Variants in CACNB4 observed in about 807,000 individuals in gnomAD.
CACNB4 encodes the protein calcium voltage-gated channel auxiliary subunit beta 4.
Under a neutral mutation model 71.2 loss-of-function variants are expected in CACNB4, and 32 were observed. That is an observed-to-expected ratio of 0.45 (90% confidence interval 0.34 to 0.60). CACNB4 has a LOEUF of 0.60. Ranked by LOEUF, CACNB4 falls within the 20% of genes least tolerant of loss-of-function variation. The pLI is 0.01. For missense variants in CACNB4, 464 were observed against 647.9 expected, an observed-to-expected ratio of 0.72 and a Z score of 3.08; for synonymous variants, 231 against 236.9, an observed-to-expected ratio of 0.97 and a Z score of 0.23.
chr2:152,013,383 A>G (rs536597100), intron 2 of CACNB4, among the ~76,000 whole-genome samples: 95 of 152,316 alleles, frequency 6.2e-4, no homozygotes, highest in African/African-American at 2.2e-3. Context: ...AGTCTTTGTC[A>G]GCACTTCAAG....
At chr2:152,035,570 T>TCTCTCTCTCTCTCTCTCC (rs1684513721) in intron 2 of CACNB4, among the ~76,000 whole-genome samples, 1 of 143,594 alleles carries the variant, frequency 7.0e-6, no homozygotes, top group East Asian at 2.0e-4. Flanking sequence ...TCTCTCTCTT[T>TCTCTCTCTCTCTCTCTCC]CTCTCTCTCT....
At chr2:151,860,915 T>C (rs2099841475) in intron 9 of CACNB4, 95 bp from the exon 10 acceptor site, 2 of 779,456 alleles carry the variant, frequency 2.6e-6, no homozygotes, top group African/African-American at 1.7e-5. Context: ...CCAATTTACA[T>C]GCTACAGGGG....
rs1686582808 is a variant in CACNB4, at chr2:152,069,909, C to G, written c.147+28421G>C. Among the ~76,000 whole-genome samples the G allele has an allele frequency of 1.4e-5, 2 of 138,392 alleles. 1 individual carries two copies. Among genetic ancestry groups the G allele is most frequent in the Admixed American group, 1.6e-4 (2 of 12,626 alleles). The allele number at this position is 138,392 out of a possible 152,430, so 90.8% of individuals were successfully genotyped here. On this transcript the variant is annotated intron_variant, in intron 2 of 13. Transcript: ENST00000539935. ...CCAGGCTGGAGGGCAGTGGCACGAT[C>G]TCGGCTCACTGCAAGCTCTGCCTCC...
At chr2:151,932,180 A>C (rs1186284066) in intron 2 of CACNB4, among the ~76,000 whole-genome samples, 1 of 151,996 alleles carries the variant, frequency 6.6e-6, no homozygotes, top group Non-Finnish European at 1.5e-5. Context: ...AACATTTTAA[A>C]TAACTTTTAT....
intron 10 of CACNB4, chr2:151,856,505 T>C (rs531607039): frequency 6.6e-6 from 1 of 152,248 alleles, no homozygotes; most frequent in East Asian, 1.9e-4. Context: ...GATTTAGCCA[T>C]GTTGGCCAGG....
At chr2:151,867,325 G>A (rs913886588) in intron 9 of CACNB4, 2 of 152,218 alleles carry the variant, frequency 1.3e-5, no homozygotes, top group Non-Finnish European at 2.9e-5. Flanking sequence ...GCATCAGACA[G>A]CAAGACCAAG....
intron 2 of CACNB4, among the ~76,000 whole-genome samples, chr2:151,909,528 T>C (rs2099855671): frequency 6.6e-6 from 1 of 151,466 alleles, no homozygotes; most frequent in Non-Finnish European, 1.5e-5. Flanking sequence ...GCCATGGTGG[T>C]TTGCTGCACC....
At chr2:151,874,937 C>G (rs1483941146) in intron 5 of CACNB4, 16 of 399,110 alleles carry the variant, frequency 4.0e-5, no homozygotes, top group Non-Finnish European at 7.1e-5. Flanking sequence ...TGTCTTCACC[C>G]AAATACCAGG....
At chr2:151,999,010 G>A (rs13397977) in intron 2 of CACNB4, among the ~76,000 whole-genome samples, 57,977 of 152,114 alleles carry the variant, frequency 0.38, 11,756 homozygotes, top group African/African-American at 0.51. Context: ...CTCACACCCC[G>A]GGGCTGAGCC....
chr2:152,072,650 T>C, intron 2 of CACNB4, among the ~76,000 whole-genome samples: 1 of 151,904 alleles, frequency 6.6e-6, no homozygotes, highest in East Asian at 1.9e-4. Context: ...TTCTTTTCTT[T>C]TTTTTTTTGA....
intron 2 of CACNB4, among the ~76,000 whole-genome samples, chr2:151,953,488 G>A (rs910215753): frequency 4.6e-5 from 7 of 152,182 alleles, no homozygotes; most frequent in African/African-American, 1.7e-4. Flanking sequence ...GACCCTGGAC[G>A]AATCATATGA....
chr2:152,076,058 G>C (rs1686989593), intron 2 of CACNB4, among the ~76,000 whole-genome samples: 1 of 151,052 alleles, frequency 6.6e-6, no homozygotes, highest in Admixed American at 6.6e-5. Flanking sequence ...TTGCAAAGTA[G>C]ATTAGGAAGG....
chr2:151,963,947 TA>T (rs1004321931), intron 2 of CACNB4, among the ~76,000 whole-genome samples: 12 of 151,912 alleles, frequency 7.9e-5, no homozygotes, highest in African/African-American at 2.7e-4. Flanking sequence ...CACACACCTG[TA>T]ATCCCAGCTA....
chr2:151,920,156 A>G (rs933436501), intron 2 of CACNB4, among the ~76,000 whole-genome samples: 3 of 150,938 alleles, frequency 2.0e-5, no homozygotes, highest in African/African-American at 7.4e-5. Context: ...AACAATTTCT[A>G]TTTCTATTGT....
At chr2:152,041,141 A>C (rs1684851387) in intron 2 of CACNB4, among the ~76,000 whole-genome samples, 1 of 152,136 alleles carries the variant, frequency 6.6e-6, no homozygotes, top group Non-Finnish European at 1.5e-5. Flanking sequence ...TCTCCCCACA[A>C]ACTTTTGGCA....
At chr2:151,993,603 C>T (rs1205399772) in intron 2 of CACNB4, among the ~76,000 whole-genome samples, 2 of 146,468 alleles carry the variant, frequency 1.4e-5, no homozygotes, top group Non-Finnish European at 1.5e-5. Flanking sequence ...CTTGCTCTAT[C>T]GCCCAGGCTG....
chr2:151,914,247 C>T (rs111792375), intron 2 of CACNB4, among the ~76,000 whole-genome samples: 15,267 of 151,990 alleles, frequency 0.1, 1,562 homozygotes, highest in East Asian at 0.55. Flanking sequence ...ATCCTTTTTT[C>T]TGCTTGGTCG....
At chr2:152,089,771 A>G (rs1230230933) in intron 2 of CACNB4, among the ~76,000 whole-genome samples, 1 of 151,190 alleles carries the variant, frequency 6.6e-6, no homozygotes, top group Non-Finnish European at 1.5e-5. Flanking sequence ...ATTTCTACTA[A>G]AAGTAAAAAA....
rs1008509666 is a variant in CACNB4, at chr2:152,090,504, G to A, written c.147+7826C>T. 4.6e-5 allele frequency among the ~76,000 whole-genome samples: 7 copies of A among 152,132 alleles called. No homozygotes were observed. In the East Asian group the frequency reaches 5.8e-4, roughly 13 times the overall value. Reference sequence around the variant, plus strand: ...TCTAAAAATACAAAATTAGCCAGGCGTGGTGACACATGCCTGTAATCCCAG... The same window carrying A: ...TCTAAAAATACAAAATTAGCCAGGCATGGTGACACATGCCTGTAATCCCAG... On this transcript the variant is annotated intron_variant, in intron 2 of 13. Coordinates refer to ENST00000539935, the MANE Select transcript of CACNB4 (RefSeq NM_000726.5).
Sources: gnomAD v4.1 joint callset for allele counts (sites outside exome capture counted in the v4.1 genomes callset) on GRCh38, gnomAD v4.1.1 for gene constraint, MANE v1.5 for transcripts, NCBI Gene and HGNC (gene_info 2026-07-23, HGNC 2026-07-21) for gene names.